Variants in ARSG observed in about 807,000 individuals in gnomAD.
The protein encoded by ARSG is arylsulfatase G, also known as ASG.
Under a neutral mutation model 50.5 loss-of-function variants are expected in ARSG, and 37 were observed. That is an observed-to-expected ratio of 0.73 (90% confidence interval 0.56 to 0.96). The LOEUF (loss-of-function observed/expected upper bound fraction) is 0.96. ARSG is among the 50% of genes least tolerant of loss of function. The pLI is 0.00. For missense variants in ARSG, 629 were observed against 675.3 expected (o/e 0.93, Z 0.76); for synonymous variants, 225 against 254.6 (o/e 0.88, Z 1.11).
chr17:68,296,173 G>A (rs2076199612), intron 1 of ARSG, among the ~76,000 whole-genome samples: 1 of 152,132 alleles, frequency 6.6e-6, no homozygotes, highest in Non-Finnish European at 1.5e-5. Context: ...ACAGTTGTGG[G>A]TCGTGGGATC....
At chr17:68,389,865 T>C (rs547037312) in intron 9 of ARSG, among the ~76,000 whole-genome samples, 1 of 152,262 alleles carries the variant, frequency 6.6e-6, no homozygotes, top group East Asian at 1.9e-4. Context: ...GTTCCCATAC[T>C]ATGCATCCTG....
At chr17:68,272,903 A>G (rs1420982146) in intron 1 of ARSG, 2 of 1,045,660 alleles carry the variant, frequency 1.9e-6, no homozygotes, top group African/African-American at 3.2e-5. Flanking sequence ...CATTCTGGAC[A>G]AAGGTGATGT....
At chr17:68,428,869 G>A in the ARSG span, 2 of 1,614,016 alleles carry the variant, frequency 1.2e-6, no homozygotes, top group African/African-American at 2.7e-5. Context: ...CCATCCTGAG[G>A]ATCCAAATTG....
At chr17:68,296,857 A>G (rs1398744956) in intron 1 of ARSG, among the ~76,000 whole-genome samples, 15 of 152,204 alleles carry the variant, frequency 9.9e-5, no homozygotes, top group African/African-American at 2.9e-4. Flanking sequence ...AACAAGTACA[A>G]TTTTACAAGT....
intron 2 of ARSG, among the ~76,000 whole-genome samples, chr17:68,341,833 T>A (rs1267834553): frequency 6.6e-6 from 1 of 152,092 alleles, no homozygotes; most frequent in African/African-American, 2.4e-5. Flanking sequence ...TTTTTTTAAT[T>A]TTTTGATACA....
At chr17:68,426,242 T>TGGGGGGGGGGG (rs754701731), downstream of ARSG, 87 of 682,704 alleles carry the variant, frequency 1.3e-4, 18 homozygotes, top group Admixed American at 2.8e-4. Context: ...ACCTGGCGGG[T>TGGGGGGGGGGG]GGGGAGCGGG....
chr17:68,318,285 C>T (rs782766335), intron 2 of ARSG, among the ~76,000 whole-genome samples: 2 of 152,182 alleles, frequency 1.3e-5, no homozygotes, highest in African/African-American at 4.8e-5. Context: ...GGTGAATAAC[C>T]CTGATGATAC....
chr17:68,384,018 G>A (rs924001128), intron 8 of ARSG, among the ~76,000 whole-genome samples: 14 of 152,284 alleles, frequency 9.2e-5, no homozygotes, highest in Admixed American at 1.3e-4. Context: ...CAAAGGTTCC[G>A]TTTGCAACAG....
rs1307083992 is a variant in ARSG, at chr17:68,399,827, A to G, written c.1213-1533A>G. ...CGCGTGCATCGTATATCAGTTGACA[A>G]TAGATTTTCCAAGTCTCCCACTTCC... On this transcript the variant is annotated intron_variant, in intron 10 of 11. Transcript: ENST00000621439. The surrounding 1 kb of genome is among the most constrained non-coding windows in gnomAD (Gnocchi z 4.6). Among the ~76,000 whole-genome samples, 3 of 152,224 alleles carry G rather than the reference A, an allele frequency of 2.0e-5. No individual in the cohort carries two copies. Among genetic ancestry groups the G allele is most frequent in the African/African-American group, 7.2e-5 (3 of 41,464 alleles).
At chr17:68,287,438 G>T (rs1415943894), upstream of ARSG, among the ~76,000 whole-genome samples, 1 of 151,902 alleles carries the variant, frequency 6.6e-6, no homozygotes, top group Non-Finnish European at 1.5e-5. Context: ...AGTATTAAAC[G>T]TGTGAGCCAC....
rs1483691815 is a variant in ARSG, at chr17:68,396,388, A to G, written c.1212+1195A>G. 2.6e-5 allele frequency among the ~76,000 whole-genome samples: 4 copies of G among 151,976 alleles called. 1 individual carries two copies. The highest frequency in any genetic ancestry group is 2.0e-4 in the Admixed American group (3 of 15,248). ...TCCACTTCCCAGCATCACCTCCTCAATGTCCCCTGTTTGCACTCTGAAGCA... is the reference window on the plus strand; with the variant it reads ...TCCACTTCCCAGCATCACCTCCTCAGTGTCCCCTGTTTGCACTCTGAAGCA... On this transcript the variant is annotated intron_variant, in intron 10 of 11. Transcript: ENST00000621439.
chr17:68,296,026 C>T (rs2076194406), intron 1 of ARSG, among the ~76,000 whole-genome samples: 1 of 152,082 alleles, frequency 6.6e-6, no homozygotes. Flanking sequence ...GTGGTGCTGT[C>T]ACACCACTGC....
At position 68,383,221 on chromosome 17, in the gene ARSG, T is replaced by A. The variant is rs151096768; in HGVS notation, c.983-1843T>A. The stretch of plus-strand genomic sequence containing the variant: ...CCCTAATTCTTGAAGGGATCCCTAA[T>A]TGGTGAAGACCAATTAGCAAATTTA... On this transcript the variant is annotated intron_variant, in intron 8 of 11. Coordinates refer to ENST00000621439, the MANE Select transcript of ARSG (RefSeq NM_001267727.2). Among the ~76,000 whole-genome samples the A allele has an allele frequency of 2.8e-3, 429 of 152,268 alleles. 2 individuals are homozygous for A. The highest frequency in any genetic ancestry group is 0.014 in the Middle Eastern group (4 of 294).
At chr17:68,375,021 T>C (rs2080077488) in intron 8 of ARSG, among the ~76,000 whole-genome samples, 1 of 152,198 alleles carries the variant, frequency 6.6e-6, no homozygotes, top group Non-Finnish European at 1.5e-5. Flanking sequence ...GGAACTATGC[T>C]TAGTGCTGGT....
chr17:68,433,547 T>C, the ARSG span: 1 of 1,613,930 alleles, frequency 6.2e-7, no homozygotes, highest in Non-Finnish European at 8.5e-7. Context: ...GAATCCATAC[T>C]GAACACTAGA....
chr17:68,366,358 C>A lies in ARSG; in HGVS notation c.705-2190C>A, dbSNP rs145775492. On this transcript the variant is annotated intron_variant, in intron 6 of 11. Transcript: ENST00000621439. ...TGAAATTTGAGCCAGATCTAGGCACCACTGCAATATGGAATCTACCTGAAA... is the reference window on the plus strand; with the variant it reads ...TGAAATTTGAGCCAGATCTAGGCACAACTGCAATATGGAATCTACCTGAAA... Among the ~76,000 whole-genome samples, 664 of 152,212 alleles carry A rather than the reference C, an allele frequency of 4.4e-3. 6 individuals are homozygous for A. Among genetic ancestry groups the A allele is most frequent in the African/African-American group, 0.015 (626 of 41,510 alleles).
At chr17:68,391,032 A>G (rs1335161931) in intron 9 of ARSG, among the ~76,000 whole-genome samples, 1 of 151,838 alleles carries the variant, frequency 6.6e-6, no homozygotes, top group East Asian at 1.9e-4. Flanking sequence ...CGAAACGAAC[A>G]GGGGAAGCTT....
intron 2 of ARSG, among the ~76,000 whole-genome samples, chr17:68,325,018 T>G (rs1461336680): frequency 6.6e-6 from 1 of 152,158 alleles, no homozygotes; most frequent in African/African-American, 2.4e-5. Context: ...GTCTTGTTCA[T>G]TGATATATCC....
chr17:68,361,151 A>G (rs376274408), intron 6 of ARSG, among the ~76,000 whole-genome samples: 2 of 152,000 alleles, frequency 1.3e-5, no homozygotes, highest in African/African-American at 4.8e-5. Context: ...AAACAAATCA[A>G]TCTTCCATGG....
Sources: gnomAD v4.1 joint callset for allele counts (sites outside exome capture counted in the v4.1 genomes callset) on GRCh38, gnomAD v4.1.1 for gene constraint, Gnocchi (gnomAD v3.1) non-coding constraint, MANE v1.5 for transcripts, NCBI Gene and HGNC (gene_info 2026-07-23, HGNC 2026-07-21) for gene names.